GRTP1: variants seen among roughly 807,000 people sequenced by gnomAD.
The protein encoded by GRTP1 is growth hormone-regulated TBC protein 1.
A neutral mutation model predicts 38.1 loss-of-function variants in GRTP1; 56 were observed. The ratio of observed to expected loss-of-function variants is 1.47; its 90% CI spans 1.19 to 1.84. GRTP1 has a LOEUF of 1.84. Among genes scored for constraint, GRTP1 ranks in the 40% most tolerant of loss-of-function variants. GRTP1 has a pLI of 0.00. For synonymous variants in GRTP1, 217 were observed against 189.5 expected (o/e 1.14, Z -1.19); for missense variants, 506 against 453.9 (o/e 1.11, Z -1.04).
In GRTP1 at chr13:113,342,488, G is replaced by A. The variant is rs2043039650; in HGVS notation, c.562+2375C>T. ...CCACTGCACTCCAGCCTGGGCGACA[G>A]AGCGAGACTCAGTCTCAAAAAAAAA... On this transcript the variant is annotated intron_variant, in intron 5 of 7. Transcript: ENST00000375431. This position sits in a 1 kb window ranked among gnomAD's most constrained non-coding sequence, Gnocchi z 4.5. 6.6e-6 allele frequency among the ~76,000 whole-genome samples: 1 copy of A among 151,884 alleles called. No homozygotes were observed. Among genetic ancestry groups the A allele is most frequent in the Admixed American group, 6.5e-5 (1 of 15,274 alleles).
chr13:113,355,516 G>GTT (rs2043369869), intron 2 of GRTP1, 35 bp from the exon 3 acceptor site: 1 of 1,570,390 alleles, frequency 6.4e-7, no homozygotes, highest in Non-Finnish European at 8.7e-7. Flanking sequence ...GTGTGAGCTG[G>GTT]ACCAGGGGCC....
chr13:113,345,536 G>A (rs1208542246), intron 4 of GRTP1, among the ~76,000 whole-genome samples: 1 of 152,206 alleles, frequency 6.6e-6, no homozygotes, highest in Non-Finnish European at 1.5e-5. Flanking sequence ...CCATTTCCAG[G>A]TGACTGCGTT....
At chr13:113,325,889 C>T (rs763418249) in intron 6 of GRTP1, 30 bp downstream of exon 6, 3 of 1,613,888 alleles carry the variant, frequency 1.9e-6, no homozygotes, top group Non-Finnish European at 2.5e-6. Flanking sequence ...TGGCGGCCCG[C>T]CCGCCCCAGG....
chr13:113,331,648 CTTTTTTTTTTT>C (rs59328510), intron 5 of GRTP1, among the ~76,000 whole-genome samples: 6 of 92,990 alleles, frequency 6.5e-5, no homozygotes, highest in South Asian at 4.2e-4. Flanking sequence ...GTTTGGTTTA[CTTTTTTTTTTT>C]TTTTTTTTTT....
Position 113,324,489 on chromosome 13 carries a change from C to T in GRTP1, c.1010G>A (p.Ter337=), listed in dbSNP as rs1478807782. ...GAGCAACGCAGGGGACAGGCACGCT[C>T]ACCCCTGTGCCAGCAGCCGGGCCCT... ...SCRARLLAQG[*] is the part of the protein sequence containing the mutation. Residue 337 remains the stop codon, a stop_retained_variant, in exon 8 of 8, where the codon TGA becomes TAA. Coordinates refer to ENST00000375431, the MANE Select transcript of GRTP1 (RefSeq NM_024719.4). 6.2e-7 allele frequency: 1 copy of T among 1,607,360 alleles called. No homozygotes were observed. The highest frequency in any genetic ancestry group is 1.7e-5 in the Admixed American group (1 of 59,236).
chr13:113,337,701 T>C (rs552349497), intron 5 of GRTP1, among the ~76,000 whole-genome samples: 2 of 152,364 alleles, frequency 1.3e-5, no homozygotes, highest in African/African-American at 4.8e-5. Context: ...CAGCTGTTCC[T>C]GACCCCAGAG....
intron 5 of GRTP1, among the ~76,000 whole-genome samples, chr13:113,338,584 C>G (rs1483026216): frequency 6.6e-6 from 1 of 152,196 alleles, no homozygotes; most frequent in Non-Finnish European, 1.5e-5. Flanking sequence ...TGTGTATGAG[C>G]TACTTAATCC....
chr13:113,338,659 C>T (rs140442887), intron 5 of GRTP1, among the ~76,000 whole-genome samples: 60 of 152,268 alleles, frequency 3.9e-4, no homozygotes, highest in Non-Finnish European at 5.7e-4. Flanking sequence ...AATACCCAGA[C>T]GGACTCGCAC....
At chr13:113,324,855 C>T (rs1306737841) in intron 7 of GRTP1, 15 of 1,088,182 alleles carry the variant, frequency 1.4e-5, no homozygotes, top group African/African-American at 3.4e-5. Flanking sequence ...GAGACAGAGT[C>T]TCACTCTGTT....
At chr13:113,345,031 C>T in intron 4 of GRTP1, 72 bp from the exon 5 acceptor site, 3 of 1,510,042 alleles carry the variant, frequency 2.0e-6, no homozygotes, top group Non-Finnish European at 2.6e-6. Context: ...AATCATTCGG[C>T]TACAAACTAC....
Position 113,348,170 on chromosome 13 carries a change from G to A in GRTP1, c.465+2679C>T, listed in dbSNP as rs1014159642. 6.6e-5 allele frequency among the ~76,000 whole-genome samples: 10 copies of A among 152,174 alleles called. No individual in the cohort carries two copies. Among genetic ancestry groups the A allele is most frequent in the Non-Finnish European group, 1.5e-4 (10 of 68,026 alleles). ...GGTGGGTGATCATCGTGGAGAAAAAGCAGAACATAGCCAGGCACAGTGGGG... is the reference window on the plus strand; with the variant it reads ...GGTGGGTGATCATCGTGGAGAAAAAACAGAACATAGCCAGGCACAGTGGGG... On this transcript the variant is annotated intron_variant, in intron 4 of 7. Transcript: ENST00000375431. The surrounding 1 kb of genome is among the most constrained non-coding windows in gnomAD (Gnocchi z 4.8).
At chr13:113,363,937 C>T (rs772028924) in intron 1 of GRTP1, 27 bp from the exon 2 acceptor site, 2 of 1,604,944 alleles carry the variant, frequency 1.2e-6, no homozygotes, top group Non-Finnish European at 1.7e-6. Context: ...AGGAGGCCGG[C>T]GTCCCCGAAG....
intron 5 of GRTP1, 111 bp from the exon 6 acceptor site, chr13:113,326,202 C>G: frequency 1.5e-6 from 2 of 1,341,096 alleles, no homozygotes; most frequent in Non-Finnish European, 1.0e-6. Flanking sequence ...GGACCCCTCC[C>G]AAGAGGGAGG....
At chr13:113,356,578 G>T (rs996469274) in intron 2 of GRTP1, among the ~76,000 whole-genome samples, 1 of 151,964 alleles carries the variant, frequency 6.6e-6, no homozygotes, top group African/African-American at 2.4e-5. Flanking sequence ...GCACATATTT[G>T]AAAAGAAACC....
At position 113,324,438 on chromosome 13, in the gene GRTP1, G is replaced by A; in HGVS notation, c.*50C>T. On this transcript the variant is annotated 3_prime_UTR_variant, in exon 8 of 8. Coordinates refer to ENST00000375431, the MANE Select transcript of GRTP1 (RefSeq NM_024719.4). ...GAAAGTTGGTCCAGTGTCAACTCTG[G>A]AAAGGGGCATCGTCAGTGTAGAGAC... The A allele has an allele frequency of 6.7e-7, 1 of 1,498,692 alleles. No homozygotes were observed. The highest frequency in any genetic ancestry group is 2.5e-5 in the East Asian group (1 of 39,336). 92.8% of individuals were successfully genotyped at this position (1,498,692 alleles called of 1,614,324 possible).
rs1336307592 is a variant in GRTP1 at position 113,346,324 on chromosome 13, G to A, written c.466-1365C>T. Among the ~76,000 whole-genome samples the A allele has an allele frequency of 6.8e-4, 26 of 38,308 alleles. 5 individuals carry two copies. Among genetic ancestry groups the A allele is most frequent in the East Asian group, 2.6e-3 (3 of 1,138 alleles). 25.1% of individuals were successfully genotyped at this position (38,308 alleles called of 152,430 possible). A position where few individuals can be genotyped will look rare whatever the true frequency, so the allele number is the denominator to read the frequency against. On this transcript the variant is annotated intron_variant, in intron 4 of 7. Coordinates refer to ENST00000375431, the MANE Select transcript of GRTP1 (RefSeq NM_024719.4). The stretch of plus-strand genomic sequence containing the variant: ...GACCTCTGTGGCAGAGAGCAGACCC[G>A]GGAGGACCTCTGTGGCCGAGAGCGG...
intron 3 of GRTP1, among the ~76,000 whole-genome samples, chr13:113,354,584 G>A (rs1307195048): frequency 1.3e-5 from 2 of 150,466 alleles, no homozygotes; most frequent in African/African-American, 4.9e-5. Flanking sequence ...GCTGGAGTGC[G>A]GTGGTGCAAT....
In GRTP1 at chr13:113,358,498, C is replaced by G. The variant is rs995010137; in HGVS notation, c.182-3017G>C. On this transcript the variant is annotated intron_variant, in intron 2 of 7. Transcript: ENST00000375431. ...CTGATTCTAAACTTTATATGCAAAG[C>G]GAAAAGAACCAAAACAATTTTGAAA... Among the ~76,000 whole-genome samples the G allele has an allele frequency of 4.0e-5, 6 of 151,888 alleles. No homozygotes were observed. In the East Asian group the frequency reaches 1.2e-3, roughly 29 times the overall value.
chr13:113,339,208 C>G (rs1247134233), intron 5 of GRTP1, among the ~76,000 whole-genome samples: 1 of 152,152 alleles, frequency 6.6e-6, no homozygotes, highest in Non-Finnish European at 1.5e-5. Context: ...GCCACCACAC[C>G]CTGGCTTTCT....
Sources: allele counts gnomAD v4.1 joint callset (sites outside exome capture counted in the v4.1 genomes callset), GRCh38; gene constraint gnomAD v4.1.1; non-coding constraint Gnocchi (gnomAD v3.1); transcripts MANE v1.5; gene names NCBI Gene and HGNC (gene_info 2026-07-23, HGNC 2026-07-21).